ACAP3: variants seen among roughly 807,000 people sequenced by gnomAD.
The protein encoded by ACAP3 is arf-GAP with coiled-coil, ANK repeat and PH domain-containing protein 3.
In ACAP3, 56 loss-of-function variants were observed where a neutral mutation model predicts 104.1. The ratio of observed to expected loss-of-function variants is 0.54; its 90% confidence interval spans 0.43 to 0.67. ACAP3 has a LOEUF of 0.67. Ranked by LOEUF, ACAP3 falls within the 30% of genes least tolerant of loss-of-function variation. ACAP3 has a pLI of 0.00. For missense variants in ACAP3, 1,208 were observed against 1,174.9 expected (o/e 1.03, Z -0.41); for synonymous variants, 628 against 496.2 (o/e 1.27, Z -3.53).
In ACAP3 at chr1:1,294,463, TC is replaced by T; in HGVS notation, c.2077del (p.Glu693ArgfsTer20). On this transcript the variant is annotated frameshift_variant, in exon 21 of 24. Transcript: ENST00000354700. LOFTEE classifies it high-confidence loss of function. ...ALAAALAHGA[E>X]VNWADAEDEG... Reference sequence around the variant, plus strand: ...ATCCTCCGCGTCCGCCCAGTTGACCTCGGCCCCGTGGGCCAGCGCCGCCGCC... The same window carrying T: ...ATCCTCCGCGTCCGCCCAGTTGACCTGGCCCCGTGGGCCAGCGCCGCCGCC... The T allele has an allele frequency of 6.4e-7, 1 of 1,564,248 alleles. No homozygotes were observed. Among genetic ancestry groups the T allele is most frequent in the Non-Finnish European group, 8.6e-7 (1 of 1,161,500 alleles).
chr1:1,300,444 A>G lies in ACAP3; in HGVS notation c.522+65T>C, dbSNP rs544161897. 2.1e-5 allele frequency: 32 copies of G among 1,501,220 alleles called. No homozygotes were observed. The African/African-American group carries it at 3.8e-4, about 18-fold the overall frequency. The allele number at this position is 1,501,220 out of a possible 1,614,324, so 93.0% of individuals were successfully genotyped here. ...GCTCAAAATCCCTCCAGTTCTGTAC[A>G]AGGCCGTTGAGGCCTCCATTCGCTA... On this transcript the variant is annotated intron_variant, in intron 6 of 23. Transcript: ENST00000354700.
chr1:1,301,870 C>T lies in ACAP3; in HGVS notation c.338+118G>A, dbSNP rs528625042. 464 of 971,412 alleles carry T rather than the reference C, an allele frequency of 4.8e-4. 1 individual carries two copies. Among genetic ancestry groups the T allele is most frequent in the Non-Finnish European group, 6.4e-4 (445 of 694,790 alleles). 60.2% of individuals were successfully genotyped at this position (971,412 alleles called of 1,614,324 possible). A position where few individuals can be genotyped will look rare whatever the true frequency, so the allele number is the denominator to read the frequency against. ...CTCTGAGCCTTCTGCCTTGTGGAGC[C>T]GCTGCACAGCCTGGAGGCCTGGGCC... On this transcript the variant is annotated intron_variant, in intron 5 of 23. Coordinates refer to ENST00000354700, the MANE Select transcript of ACAP3 (RefSeq NM_030649.3).
At chr1:1,302,397 C>A (rs746513735) in intron 4 of ACAP3, among the ~76,000 whole-genome samples, 2 of 152,108 alleles carry the variant, frequency 1.3e-5, no homozygotes, top group Non-Finnish European at 2.9e-5. Context: ...GAGCCGGGAG[C>A]ACCCAGGGGC....
In ACAP3 at chr1:1,298,594, G is replaced by T. The variant is rs1489983369; in HGVS notation, c.836C>A (p.Ala279Asp). The T allele has an allele frequency of 1.9e-6, 3 of 1,611,502 alleles. No individual in the cohort carries two copies. The highest frequency in any genetic ancestry group is 2.5e-6 in the Non-Finnish European group (3 of 1,179,666). The change falls in exon 11 of 24, where the codon GCC (alanine) becomes GAC (aspartate). Residue 279 changes from alanine (A) to aspartate (D), a missense_variant. By Grantham distance (126) the Ala-to-Asp change is moderately radical (BLOSUM62 -2). Coordinates refer to ENST00000354700, the MANE Select transcript of ACAP3 (RefSeq NM_030649.3). The part of the protein sequence containing the change: ...VVMEGYLFKR[A>D]SNAFKTWNRR... ...GTTCCATGTCTTGAAAGCGTTGCTG[G>T]CCCTCTTGAAGAGGTAGCCCTCCAT...
intron 1 of ACAP3, 98 bp downstream of exon 1, chr1:1,307,671 G>C: frequency 9.8e-7 from 1 of 1,023,906 alleles, no homozygotes; most frequent in Non-Finnish European, 1.2e-6. Flanking sequence ...GGCGGCCGCG[G>C]CCCGGCCCGG....
chr1:1,298,737 T>C, intron 10 of ACAP3, 58 bp from the exon 11 acceptor site: 1 of 1,371,258 alleles, frequency 7.3e-7, no homozygotes, highest in Non-Finnish European at 1.0e-6. Flanking sequence ...CTACCCTCCG[T>C]GCTTTCCCGG....
At position 1,299,924 on chromosome 1, in the gene ACAP3, G is replaced by A. The variant is rs114310956; in HGVS notation, c.664-19C>T. ...GGTCCAGCTGTTGGGGGTGGCATTA[G>A]GGAAGGTCACGGAGGCCTGGCCCAG... On this transcript the variant is annotated intron_variant, in intron 8 of 23. Transcript: ENST00000354700. 1,734 of 1,592,084 alleles carry A rather than the reference G, an allele frequency of 1.1e-3. 9 individuals carry two copies. In the African/African-American group the frequency reaches 0.021, roughly 19 times the overall value.
Position 1,303,721 on chromosome 1 carries a change from C to G in ACAP3, c.105+365G>C. 15 of 432,062 alleles carry G rather than the reference C, an allele frequency of 3.5e-5. No individual in the cohort carries two copies. In the South Asian group the frequency reaches 3.8e-4, roughly 11 times the overall value. 26.8% of individuals were successfully genotyped at this position (432,062 alleles called of 1,614,324 possible). A position where few individuals can be genotyped will look rare whatever the true frequency, so the allele number is the denominator to read the frequency against. On this transcript the variant is annotated intron_variant, in intron 2 of 23. Coordinates refer to ENST00000354700, the MANE Select transcript of ACAP3 (RefSeq NM_030649.3). The surrounding 1 kb of genome is among the most constrained non-coding windows in gnomAD (Gnocchi z 4.0). ...GGGCTCATGGACACGGCTCCCCCCT[C>G]CACGGCCTGTTGCCCCCTCCCCTTT...
chr1:1,302,325 G>T lies in ACAP3; in HGVS notation c.280-279C>A, dbSNP rs1250469904. Reference sequence around the variant, plus strand: ...TCACAGCCTGAGCCGGAGCCCCACTGCCTCCTGGCCCTGGGCGGCCACCCT... The same window carrying T: ...TCACAGCCTGAGCCGGAGCCCCACTTCCTCCTGGCCCTGGGCGGCCACCCT... On this transcript the variant is annotated intron_variant, in intron 4 of 23. Transcript: ENST00000354700. 2.0e-5 allele frequency among the ~76,000 whole-genome samples: 3 copies of T among 152,136 alleles called. No homozygotes were observed. In the East Asian group the frequency reaches 5.8e-4, roughly 29 times the overall value.
intron 1 of ACAP3, chr1:1,305,890 C>T (rs1196460802): frequency 2.0e-5 from 3 of 152,348 alleles, no homozygotes; most frequent in Admixed American, 1.3e-4. Flanking sequence ...CGGGCAGGGT[C>T]CCCCTCTCCC....
In ACAP3 at chr1:1,294,484, G is replaced by C. The variant is rs1265339264; in HGVS notation, c.2057C>G (p.Ala686Gly). 1 of 1,545,884 alleles carries C rather than the reference G, an allele frequency of 6.5e-7. No homozygotes were observed. Among genetic ancestry groups the C allele is most frequent in the South Asian group, 1.2e-5 (1 of 84,708 alleles). The change falls in exon 21 of 24, where the codon GCG (alanine) becomes GGG (glycine). Residue 686 changes from alanine (A) to glycine (G), a missense_variant. By Grantham distance (60) the Ala-to-Gly change is moderately conservative (BLOSUM62 0). Coordinates refer to ENST00000354700, the MANE Select transcript of ACAP3 (RefSeq NM_030649.3). ...ARARDLPALA[A>G]ALAHGAEVNW... is the part of the protein sequence containing the mutation. ...GACCTCGGCCCCGTGGGCCAGCGCC[G>C]CCGCCAGCGCAGGAAGGTCGCGGGC...
At position 1,293,555 on chromosome 1, in the gene ACAP3, TG is replaced by T; in HGVS notation, c.*8del. On this transcript the variant is annotated 3_prime_UTR_variant, in exon 24 of 24. Transcript: ENST00000354700. ...CGGGCGGGGTGGCAGCTGCCCGGCC[TG>T]CCCGGCCCTAGCTCTCTTCCAGGTG... The T allele has an allele frequency of 7.0e-7, 1 of 1,421,216 alleles. No individual in the cohort carries two copies. Among genetic ancestry groups the T allele is most frequent in the South Asian group, 1.3e-5 (1 of 78,488 alleles). The allele number at this position is 1,421,216 out of a possible 1,614,324, so 88.0% of individuals were successfully genotyped here.
chr1:1,298,495 A>T, intron 11 of ACAP3, 72 bp downstream of exon 11: 1 of 859,686 alleles, frequency 1.2e-6, no homozygotes, highest in Non-Finnish European at 1.8e-6. Flanking sequence ...CCCCCACCTG[A>T]GGACCCCACC....
Position 1,302,953 on chromosome 1 carries a change from T to C in ACAP3, c.248A>G (p.Asp83Gly), listed in dbSNP as rs1490570084. ...VISECLQRFADSLQEVVNYHM... is the reference protein window; with the variant it reads ...VISECLQRFAGSLQEVVNYHM... Reference sequence around the variant, plus strand: ...GTAGTTCACCACCTCCTGTAGGCTGTCAGCGAACCTCTGCAGACATTCCTG... The same window carrying C: ...GTAGTTCACCACCTCCTGTAGGCTGCCAGCGAACCTCTGCAGACATTCCTG... Residue 83 changes from aspartate to glycine, a missense_variant, in exon 4 of 24, where the codon GAC (aspartate) becomes GGC (glycine). Physicochemically the swap from Asp to Gly is moderately conservative, Grantham distance 94. Coordinates refer to ENST00000354700, the MANE Select transcript of ACAP3 (RefSeq NM_030649.3). The C allele has an allele frequency of 6.2e-7, 1 of 1,611,334 alleles. No homozygotes were observed. Among genetic ancestry groups the C allele is most frequent in the Non-Finnish European group, 8.5e-7 (1 of 1,179,354 alleles).
chr1:1,307,680 G>A, intron 1 of ACAP3, 89 bp downstream of exon 1: 1 of 1,033,006 alleles, frequency 9.7e-7, no homozygotes, highest in Non-Finnish European at 1.2e-6. Flanking sequence ...GGCCCGGCCC[G>A]GCGCTGACCT....
At position 1,297,900 on chromosome 1, in the gene ACAP3, C is replaced by T; in HGVS notation, c.1050G>A (p.Leu350=). The part of the protein sequence containing the change: ...SCMLQADSEK[L]RQAWVQAVQA... ...GCACAGCCTGGACCCAGGCTTGCCG[C>T]AGCTTCTCGGAGTCAGCCTGCAGCA... Residue 350 remains leucine, a synonymous_variant, in exon 14 of 24, where the codon CTG becomes CTA. Coordinates refer to ENST00000354700, the MANE Select transcript of ACAP3 (RefSeq NM_030649.3). 1 of 1,612,082 alleles carries T rather than the reference C, an allele frequency of 6.2e-7. No homozygotes were observed. Among genetic ancestry groups the T allele is most frequent in the Non-Finnish European group, 8.5e-7 (1 of 1,179,536 alleles).
chr1:1,300,930 C>A (rs930263415), intron 5 of ACAP3, among the ~76,000 whole-genome samples: 2 of 152,160 alleles, frequency 1.3e-5, no homozygotes, highest in African/African-American at 4.8e-5. Context: ...CGCCACCAGG[C>A]CTAATTTTGT....
Position 1,295,905 on chromosome 1 carries a change from G to A in ACAP3, c.1536C>T (p.Tyr512=), listed in dbSNP as rs143176324. Residue 512 remains tyrosine, a synonymous_variant, in exon 18 of 24, where the codon TAC becomes TAT. Coordinates refer to ENST00000354700, the MANE Select transcript of ACAP3 (RefSeq NM_030649.3). ...QDKEAWIKDK[Y]VEKKFLRKAP... ...CCTTCCGCAGAAACTTCTTTTCCAC[G>A]TATTTGTCCTTGATCCAGGCCTCCT... The A allele has an allele frequency of 5.0e-6, 8 of 1,612,306 alleles. No individual in the cohort carries two copies. The highest frequency in any genetic ancestry group is 4.5e-5 in the East Asian group (2 of 44,882).
Position 1,294,749 on chromosome 1 carries a change from C to G in ACAP3, c.1881G>C (p.Ser627=), listed in dbSNP as rs748320969. 124 of 1,549,628 alleles carry G rather than the reference C, an allele frequency of 8.0e-5. No individual in the cohort carries two copies. The highest frequency in any genetic ancestry group is 1.0e-4 in the Non-Finnish European group (117 of 1,146,714). ...DGSSDVLAFG[S]GSVVDSVTEE... ...CAGTGACGCTGTCCACCACAGAGCC[C>G]GAGCCGAAAGCCAGGACGTCCGAGC... Residue 627 remains serine (S), a synonymous_variant, in exon 20 of 24, where the codon TCG becomes TCC. Transcript: ENST00000354700.
Sources: allele counts gnomAD v4.1 joint callset (sites outside exome capture counted in the v4.1 genomes callset), GRCh38; gene constraint gnomAD v4.1.1; non-coding constraint Gnocchi (gnomAD v3.1); transcripts MANE v1.5; gene names NCBI Gene and HGNC (gene_info 2026-07-23, HGNC 2026-07-21).